Variants in BLK observed in about 807,000 individuals in gnomAD.
BLK encodes BLK proto-oncogene, Src family tyrosine kinase, also known as tyrosine-protein kinase Blk.
Under a neutral mutation model 61.8 loss-of-function variants are expected in BLK, and 64 were observed. The ratio of observed to expected loss-of-function variants is 1.03; its 90% CI spans 0.85 to 1.27. BLK has a LOEUF of 1.27. Among genes scored for constraint, BLK ranks in the 50% most tolerant of loss-of-function variants. BLK has a pLI of 0.00. For synonymous variants in BLK, 351 were observed against 272.0 expected (o/e 1.29, Z -2.86); for missense variants, 853 against 660.5 (o/e 1.29, Z -3.19).
At chr8:11,535,294 A>AAGAG (rs1800078796) in intron 1 of BLK, among the ~76,000 whole-genome samples, 1 of 145,686 alleles carries the variant, frequency 6.9e-6, no homozygotes, top group Non-Finnish European at 1.5e-5. Flanking sequence ...GAAAGAAAGA[A>AAGAG]AGAAAGAAAG....
chr8:11,535,186 A>G (rs1800061119), intron 1 of BLK, among the ~76,000 whole-genome samples: 1 of 138,346 alleles, frequency 7.2e-6, no homozygotes, highest in Middle Eastern at 3.6e-3. Context: ...AATGAAAGAA[A>G]GAAAGAAAGA....
chr8:11,494,775 G>T (rs1211951439), intron 1 of BLK, among the ~76,000 whole-genome samples, 184 bp downstream of exon 1: 1 of 152,216 alleles, frequency 6.6e-6, no homozygotes, highest in East Asian at 1.9e-4. Context: ...TGCATTTCCA[G>T]TTTTGAGAAT....
At chr8:11,525,396 G>A (rs765048026) in intron 1 of BLK, among the ~76,000 whole-genome samples, 5 of 152,028 alleles carry the variant, frequency 3.3e-5, no homozygotes, top group Non-Finnish European at 5.9e-5. Flanking sequence ...AAATGTCCAG[G>A]TATTTTCTTT....
intron 1 of BLK, among the ~76,000 whole-genome samples, chr8:11,495,421 G>A (rs969256992): frequency 6.6e-6 from 1 of 152,332 alleles, no homozygotes; most frequent in South Asian, 2.1e-4. Flanking sequence ...TGGAAAGGGA[G>A]AAATAGTAGC....
intron 10 of BLK, chr8:11,560,828 C>G (rs1397724498): frequency 2.2e-6 from 1 of 458,084 alleles, no homozygotes; most frequent in East Asian, 6.9e-5. Flanking sequence ...GGACTGTGGC[C>G]CCTCGGGGAG....
intron 12 of BLK, 94 bp downstream of exon 12, chr8:11,563,204 C>G: frequency 5.7e-6 from 9 of 1,568,908 alleles, no homozygotes; most frequent in Middle Eastern, 1.7e-4. Flanking sequence ...CTGCCCTGTT[C>G]TTTTCAGAGT....
intron 1 of BLK, among the ~76,000 whole-genome samples, chr8:11,508,869 G>T (rs1033583073): frequency 2.3e-4 from 35 of 152,194 alleles, no homozygotes; most frequent in African/African-American, 8.0e-4. Flanking sequence ...GTGGTGGAGG[G>T]GTTTTCTCAG....
At chr8:11,523,560 AC>A (rs1161436066) in intron 1 of BLK, among the ~76,000 whole-genome samples, 1 of 152,210 alleles carries the variant, frequency 6.6e-6, no homozygotes, top group Non-Finnish European at 1.5e-5. Flanking sequence ...CTCAAAACAA[AC>A]AAAAAAAATT....
chr8:11,526,659 C>T (rs1236711100), intron 1 of BLK, among the ~76,000 whole-genome samples: 5 of 152,172 alleles, frequency 3.3e-5, no homozygotes, highest in South Asian at 2.1e-4. Context: ...GTGGAGGTTG[C>T]AGTGAGCTGA....
intron 1 of BLK, among the ~76,000 whole-genome samples, chr8:11,511,265 G>C (rs138720382): frequency 8.5e-5 from 13 of 152,162 alleles, no homozygotes; most frequent in Non-Finnish European, 1.5e-4. Context: ...GACACAGGAA[G>C]GGGAACATCA....
At chr8:11,557,654 G>A (rs1314248134) in intron 9 of BLK, among the ~76,000 whole-genome samples, 2 of 152,208 alleles carry the variant, frequency 1.3e-5, no homozygotes, top group African/African-American at 4.8e-5. Context: ...GAAACTTCGA[G>A]TCAGAACTGG....
At chr8:11,553,235 C>T (rs916006427) in intron 6 of BLK, 6 of 198,752 alleles carry the variant, frequency 3.0e-5, no homozygotes, top group South Asian at 7.4e-5. Flanking sequence ...GTCCTTGAGC[C>T]TCTCAAGCCT....
rs1385853511 is a variant in BLK, at chr8:11,543,295, G to A, written c.71G>A (p.Ser24Asn). The A allele has an allele frequency of 1.5e-5, 24 of 1,613,828 alleles. No individual in the cohort carries two copies. Among genetic ancestry groups the A allele is most frequent in the Non-Finnish European group, 2.0e-5 (24 of 1,180,024 alleles). ...AAAGAGAAGGACAAGGGCCAATGGAGCCCCCTGAAGGTCAGCGCCCAAGAC... is the reference window on the plus strand; with the variant it reads ...AAAGAGAAGGACAAGGGCCAATGGAACCCCCTGAAGGTCAGCGCCCAAGAC... ...PIKEKDKGQW[S>N]PLKVSAQDKD... The change falls in exon 2 of 13, where the codon AGC (serine) becomes AAC (asparagine). Residue 24 changes from serine (S) to asparagine (N), a missense_variant. By Grantham distance (46) the Ser-to-Asn change is conservative (BLOSUM62 1). Coordinates refer to ENST00000259089, the MANE Select transcript of BLK (RefSeq NM_001715.3).
intron 1 of BLK, among the ~76,000 whole-genome samples, chr8:11,508,961 T>C (rs1174197154): frequency 6.6e-6 from 1 of 152,090 alleles, no homozygotes; most frequent in African/African-American, 2.4e-5. Context: ...TACTCATCAA[T>C]TCCCCCCAGC....
At chr8:11,511,280 C>G (rs1798995458) in intron 1 of BLK, among the ~76,000 whole-genome samples, 1 of 152,100 alleles carries the variant, frequency 6.6e-6, no homozygotes, top group Non-Finnish European at 1.5e-5. Context: ...ACATCACACA[C>G]CGGGGCCTGT....
At chr8:11,525,784 G>A (rs538066390) in intron 1 of BLK, among the ~76,000 whole-genome samples, 24 of 152,180 alleles carry the variant, frequency 1.6e-4, no homozygotes, top group South Asian at 2.1e-4. Flanking sequence ...TCATTCTGCC[G>A]CCCAGGCTGG....
At chr8:11,532,244 G>C (rs147538979) in intron 1 of BLK, among the ~76,000 whole-genome samples, 1,616 of 150,924 alleles carry the variant, frequency 0.011, 27 homozygotes, top group African/African-American at 0.037. Context: ...TGTTGCCCAG[G>C]CTAGAGTGCA....
rs1275626402 is a variant in BLK at position 11,532,161 on chromosome 8, GT to G, written c.-1-11054del. Among the ~76,000 whole-genome samples the G allele has an allele frequency of 4.4e-4, 54 of 122,596 alleles. No individual in the cohort carries two copies. The East Asian group carries it at 0.012, about 27-fold the overall frequency. The allele number at this position is 122,596 out of a possible 152,430, so 80.4% of individuals were successfully genotyped here. On this transcript the variant is annotated intron_variant, in intron 1 of 12. Transcript: ENST00000259089. ...GGCATGAGCCAATGTACCTGGTCAT[GT>G]TTTTTTTTCCTTTTATAAAAAAATT...
At chr8:11,525,324 C>G (rs1205065055) in intron 1 of BLK, among the ~76,000 whole-genome samples, 1 of 152,204 alleles carries the variant, frequency 6.6e-6, no homozygotes, top group Non-Finnish European at 1.5e-5. Context: ...GTAAAGTCCT[C>G]TTATCCCTTT....
Sources: allele counts gnomAD v4.1 joint callset (sites outside exome capture counted in the v4.1 genomes callset), GRCh38; gene constraint gnomAD v4.1.1; transcripts MANE v1.5; gene names NCBI Gene and HGNC (gene_info 2026-07-23, HGNC 2026-07-21).